MYO6: variants seen among roughly 807,000 people sequenced by gnomAD.
MYO6 encodes myosin VI, also known as unconventional myosin-VI.
MYO6 carries 74 observed loss-of-function variants against 178.7 expected under a neutral mutation model. That is an observed-to-expected ratio of 0.41 (90% CI 0.34 to 0.50). The LOEUF is 0.50. Among genes scored for constraint, MYO6 ranks in the 20% least tolerant of loss-of-function variants. MYO6 has a pLI of 0.09. For synonymous variants in MYO6, 477 were observed against 504.6 expected (o/e 0.95, Z 0.73); for missense variants, 1,330 against 1,547.4 (o/e 0.86, Z 2.36).
intron 29 of MYO6, among the ~76,000 whole-genome samples, chr6:75,895,709 G>A (rs1406687935): frequency 6.6e-6 from 1 of 151,654 alleles, no homozygotes; most frequent in African/African-American, 2.4e-5. Context: ...GTAGAGACGG[G>A]GTTTCACCAT....
chr6:75,886,948 T>G lies in MYO6; in HGVS notation c.2612T>G (p.Ile871Ser). 6.2e-7 allele frequency: 1 copy of G among 1,613,744 alleles called. No homozygotes were observed. The highest frequency in any genetic ancestry group is 8.5e-7 in the Non-Finnish European group (1 of 1,179,824). ...GGAAAACCCGAGATGAATAAACAGA[T>G]CAAGAATCTGGAAATTTCTATTGAT... ...KDGKPEMNKQ[I>S]KNLEISIDTL... is the part of the protein sequence containing the mutation. Residue 871 changes from isoleucine (I) to serine (S), a missense_variant, in exon 25 of 35, where the codon ATC (isoleucine) becomes AGC (serine). Ile to Ser is a moderately radical substitution (Grantham distance 142). Coordinates refer to ENST00000369977, the MANE Select transcript of MYO6 (RefSeq NM_004999.4).
chr6:75,798,197 A>G (rs1344054291), intron 1 of MYO6, among the ~76,000 whole-genome samples: 1 of 152,216 alleles, frequency 6.6e-6, no homozygotes, highest in Non-Finnish European at 1.5e-5. Context: ...ATTCTTCTGC[A>G]TATGGCTAGC....
intron 1 of MYO6, among the ~76,000 whole-genome samples, chr6:75,775,338 C>T (rs1462466803): frequency 1.3e-5 from 2 of 152,182 alleles, no homozygotes; most frequent in African/African-American, 4.8e-5. Flanking sequence ...CAGGTCACCT[C>T]TGGGTCAAGA....
At chr6:75,832,379 A>G (rs1044358779) in intron 5 of MYO6, among the ~76,000 whole-genome samples, 2 of 152,234 alleles carry the variant, frequency 1.3e-5, no homozygotes, top group Non-Finnish European at 1.5e-5. Flanking sequence ...TAAATTTAAT[A>G]GTTGTATTAG....
chr6:75,831,106 C>A (rs1291266267), intron 5 of MYO6, among the ~76,000 whole-genome samples: 1 of 152,174 alleles, frequency 6.6e-6, no homozygotes, highest in Non-Finnish European at 1.5e-5. Flanking sequence ...CCTTTCTCAG[C>A]CTCTTTTATT....
Position 75,919,395 on chromosome 6 carries a change from T to C in MYO6, c.*4383T>C, listed in dbSNP as rs556284109. On this transcript the variant is annotated 3_prime_UTR_variant, in exon 35 of 35. Coordinates refer to ENST00000369977, the MANE Select transcript of MYO6 (RefSeq NM_004999.4). ...AAATCACAGGCTTATTAGTTGGGTG[T>C]TTTCTTTTTACTTATGAAAATTCAT... 2 of 152,498 alleles carry C rather than the reference T, an allele frequency of 1.3e-5. No individual in the cohort carries two copies. Among genetic ancestry groups the C allele is most frequent in the South Asian group, 4.2e-4 (2 of 4,806 alleles). 9.4% of individuals were successfully genotyped at this position (152,498 alleles called of 1,614,324 possible).
intron 26 of MYO6, 83 bp downstream of exon 26, chr6:75,890,348 T>C: frequency 6.4e-7 from 1 of 1,559,468 alleles, no homozygotes; most frequent in Non-Finnish European, 8.7e-7. Flanking sequence ...GACAATTATT[T>C]GTTTTGTTTT....
chr6:75,858,579 T>A (rs925905204), intron 13 of MYO6, among the ~76,000 whole-genome samples: 38 of 152,136 alleles, frequency 2.5e-4, no homozygotes, highest in African/African-American at 8.5e-4. Context: ...CACTCCAGCC[T>A]GTGTGACAGG....
In MYO6 at chr6:75,818,321, T is replaced by C. The variant is rs576580605; in HGVS notation, c.117+657T>C. On this transcript the variant is annotated intron_variant, in intron 2 of 34. Transcript: ENST00000369977. ...TTGTAAATACCTGTTTCAGTCTTCA[T>C]GGAGACTGATACAGTCTGTTTTTGT... Among the ~76,000 whole-genome samples the C allele has an allele frequency of 2.0e-5, 3 of 152,330 alleles. No homozygotes were observed. The South Asian group carries it at 6.2e-4, about 32-fold the overall frequency.
chr6:75,828,873 A>G (rs1772769134), intron 4 of MYO6, among the ~76,000 whole-genome samples: 1 of 152,090 alleles, frequency 6.6e-6, no homozygotes, highest in Non-Finnish European at 1.5e-5. Context: ...GTCGTTTAAT[A>G]TCTTTTGGAC....
At chr6:75,828,507 A>G (rs746297124) in intron 3 of MYO6, 33 bp from the exon 4 acceptor site, 20 of 1,239,328 alleles carry the variant, frequency 1.6e-5, no homozygotes, top group East Asian at 2.3e-5. Flanking sequence ...GTTTTCTTCA[A>G]TTCTCTAATG....
intron 9 of MYO6, among the ~76,000 whole-genome samples, chr6:75,842,757 G>A (rs1011377970): frequency 5.9e-5 from 9 of 152,058 alleles, no homozygotes; most frequent in South Asian, 2.1e-4. Context: ...ATGATGATAC[G>A]GTTTTGTCAA....
intron 18 of MYO6, among the ~76,000 whole-genome samples, chr6:75,870,038 C>T (rs1416712387): frequency 2.6e-5 from 4 of 151,706 alleles, no homozygotes; most frequent in East Asian, 3.9e-4. Context: ...GGCGTGAACC[C>T]GGGAGGTGGA....
intron 11 of MYO6, 54 bp from the exon 12 acceptor site, chr6:75,855,084 GA>G: frequency 6.9e-7 from 1 of 1,450,838 alleles, no homozygotes; most frequent in South Asian, 1.2e-5. Context: ...AATGGGTCTT[GA>G]AAATCTGGTT....
At position 75,824,020 on chromosome 6, in the gene MYO6, AAAT is replaced by A. The variant is rs769090041; in HGVS notation, c.187+1175_187+1177del. Among the ~76,000 whole-genome samples the A allele has an allele frequency of 1.4e-4, 22 of 152,220 alleles. 1 individual carries two copies. Among genetic ancestry groups the A allele is most frequent in the Non-Finnish European group, 2.6e-4 (18 of 68,036 alleles). ...ACATTTTTGAATAGCAATCAGAATA[AAAT>A]AATAAGGAATGAGACTGTACCATAT... On this transcript the variant is annotated intron_variant, in intron 3 of 34. Coordinates refer to ENST00000369977, the MANE Select transcript of MYO6 (RefSeq NM_004999.4).
intron 1 of MYO6, among the ~76,000 whole-genome samples, chr6:75,805,703 T>A (rs373810911): frequency 6.6e-6 from 1 of 152,244 alleles, no homozygotes; most frequent in African/African-American, 2.4e-5. Context: ...AAAAGTAAGA[T>A]AATTTTCAGT....
intron 1 of MYO6, among the ~76,000 whole-genome samples, chr6:75,758,155 T>TA (rs1282119618): frequency 2.6e-5 from 4 of 151,730 alleles, no homozygotes; most frequent in Admixed American, 2.0e-4. Flanking sequence ...TTTTTGTATT[T>TA]TTAGTAGACA....
intron 22 of MYO6, among the ~76,000 whole-genome samples, chr6:75,881,054 C>A (rs62414800): frequency 0.23 from 34,555 of 152,038 alleles, 5,159 homozygotes; most frequent in Middle Eastern, 0.38. Context: ...GAGTTTGAGA[C>A]CAGCTTGGGC....
chr6:75,891,651 A>T (rs1379119346), intron 27 of MYO6, among the ~76,000 whole-genome samples: 1 of 152,050 alleles, frequency 6.6e-6, no homozygotes, highest in Non-Finnish European at 1.5e-5. Context: ...AAAAAATAAA[A>T]AATAAATAAA....
Sources: gnomAD v4.1 joint callset for allele counts (sites outside exome capture counted in the v4.1 genomes callset) on GRCh38, gnomAD v4.1.1 for gene constraint, MANE v1.5 for transcripts, NCBI Gene and HGNC (gene_info 2026-07-23, HGNC 2026-07-21) for gene names.